Variants in WIPF3 observed in about 807,000 individuals in gnomAD.
WIPF3 encodes the protein WAS/WASL-interacting protein family member 3.
A neutral mutation model predicts 38.9 loss-of-function variants in WIPF3; 33 were observed. The ratio of observed to expected loss-of-function variants is 0.85; its 90% confidence interval spans 0.64 to 1.14. The LOEUF (loss-of-function observed/expected upper bound fraction) is 1.14, where lower values mean the gene tolerates loss of function less well. WIPF3 is among the 50% of genes most tolerant of loss of function. WIPF3 has a pLI of 0.00. For missense variants in WIPF3, 711 were observed against 652.5 expected (o/e 1.09, Z -0.98); for synonymous variants, 324 against 269.3 (o/e 1.20, Z -1.99).
intron 5 of WIPF3, among the ~76,000 whole-genome samples, chr7:29,887,174 G>C (rs111671768): frequency 0.015 from 2,237 of 152,276 alleles, 55 homozygotes; most frequent in African/African-American, 0.051. Flanking sequence ...TGCCCTTCTT[G>C]TTTGCATCTT....
At chr7:29,882,283 T>C (rs1429014608) in intron 4 of WIPF3, among the ~76,000 whole-genome samples, 1 of 152,266 alleles carries the variant, frequency 6.6e-6, no homozygotes, top group African/African-American at 2.4e-5. Context: ...TCCCTTTCAA[T>C]TTCATTCAGC....
intron 5 of WIPF3, among the ~76,000 whole-genome samples, chr7:29,885,336 C>T (rs1785853262): frequency 6.6e-6 from 1 of 152,226 alleles, no homozygotes; most frequent in Admixed American, 6.5e-5. Context: ...CACAGATACA[C>T]CCACATCCAC....
At chr7:29,906,007 A>C (rs1030958008) in intron 8 of WIPF3, 1 of 152,224 alleles carries the variant, frequency 6.6e-6, no homozygotes, top group African/African-American at 2.4e-5. Flanking sequence ...GAGACAGCCT[A>C]CAACAATCAA....
At chr7:29,868,405 G>A (rs1785429978) in intron 2 of WIPF3, among the ~76,000 whole-genome samples, 1 of 152,000 alleles carries the variant, frequency 6.6e-6, no homozygotes, top group African/African-American at 2.4e-5. Flanking sequence ...TTGAGAAGAG[G>A]AGTTAATTAG....
chr7:29,900,081 G>A lies in WIPF3; in HGVS notation c.1352-4205G>A, dbSNP rs568717713. The stretch of plus-strand genomic sequence containing the variant: ...GCCTCTTGAGTAGCTGGGACTACAG[G>A]TGTGTGCCACCACGCCCAGCTAATT... On this transcript the variant is annotated intron_variant, in intron 7 of 8. Coordinates refer to ENST00000242140, the MANE Select transcript of WIPF3 (RefSeq NM_001080529.3). 2.6e-3 allele frequency among the ~76,000 whole-genome samples: 392 copies of A among 152,178 alleles called. 7 individuals are homozygous for A. Among genetic ancestry groups the A allele is most frequent in the African/African-American group, 9.1e-3 (376 of 41,522 alleles).
At chr7:29,895,705 A>G (rs1786128423) in intron 7 of WIPF3, among the ~76,000 whole-genome samples, 1 of 152,174 alleles carries the variant, frequency 6.6e-6, no homozygotes, top group Non-Finnish European at 1.5e-5. Context: ...AATGAGGAGC[A>G]CTTGTGTCAC....
chr7:29,906,045 A>G (rs907541697), intron 8 of WIPF3: 4 of 152,214 alleles, frequency 2.6e-5, no homozygotes, highest in African/African-American at 9.6e-5. Context: ...AAACAATAAG[A>G]AAAACCAGCA....
chr7:29,879,552 T>TA (rs1319673797), intron 4 of WIPF3, among the ~76,000 whole-genome samples: 1 of 152,258 alleles, frequency 6.6e-6, no homozygotes, highest in African/African-American at 2.4e-5. Context: ...TACTGCTGTG[T>TA]AACGAAACAC....
chr7:29,916,095 G>A lies in WIPF3; in HGVS notation c.*1579G>A, dbSNP rs1786609596. Reference sequence around the variant, plus strand: ...TTCCAGATGGAAGCAAGTGAGCCAGGGTCAAATTCCCTTCTCCAGGGGAAT... The same window carrying A: ...TTCCAGATGGAAGCAAGTGAGCCAGAGTCAAATTCCCTTCTCCAGGGGAAT... On this transcript the variant is annotated 3_prime_UTR_variant, in exon 9 of 9. Transcript: ENST00000242140. 3 of 152,136 alleles carry A rather than the reference G, an allele frequency of 2.0e-5. No individual in the cohort carries two copies. The highest frequency in any genetic ancestry group is 2.1e-4 in the South Asian group (1 of 4,826). 9.4% of individuals were successfully genotyped at this position (152,136 alleles called of 1,614,324 possible).
rs57116279 is a variant in WIPF3 at position 29,867,567 on chromosome 7, C to CT, written c.91-8243dup. Among the ~76,000 whole-genome samples, 118 of 76,046 alleles carry CT rather than the reference C, an allele frequency of 1.6e-3. 2 individuals carry two copies. The highest frequency in any genetic ancestry group is 7.6e-3 in the Middle Eastern group (1 of 132). The allele number at this position is 76,046 out of a possible 152,430, so 49.9% of individuals were successfully genotyped here. ...TGCCCCCGCCCCCTCCACACCCCAG[C>CT]TTTTTTTTTTTTTTTTTTTTGAGTT... On this transcript the variant is annotated intron_variant, in intron 2 of 8. Coordinates refer to ENST00000242140, the MANE Select transcript of WIPF3 (RefSeq NM_001080529.3).
At chr7:29,846,762 C>T (rs1164946287) in intron 2 of WIPF3, among the ~76,000 whole-genome samples, 2 of 152,174 alleles carry the variant, frequency 1.3e-5, no homozygotes, top group Admixed American at 1.3e-4. Flanking sequence ...CGTTTGTGTC[C>T]CACAGTTGTC....
chr7:29,818,694 CTTTCT>C (rs1188736330), intron 1 of WIPF3, among the ~76,000 whole-genome samples: 1 of 151,626 alleles, frequency 6.6e-6, no homozygotes, highest in African/African-American at 2.4e-5. Flanking sequence ...CAATTTAGTT[CTTTCT>C]TTTATCTAAT....
intron 2 of WIPF3, among the ~76,000 whole-genome samples, chr7:29,836,709 C>A (rs192863515): frequency 6.6e-6 from 1 of 152,184 alleles, no homozygotes; most frequent in Non-Finnish European, 1.5e-5. Context: ...TTACATCTGG[C>A]GGGGCACAGT....
chr7:29,902,535 T>C (rs1786309253), intron 7 of WIPF3, among the ~76,000 whole-genome samples: 1 of 152,084 alleles, frequency 6.6e-6, no homozygotes, highest in Admixed American at 6.5e-5. Flanking sequence ...GTTGAAAAAA[T>C]ATTTCTGAAG....
chr7:29,893,755 T>C (rs1046982628), intron 7 of WIPF3, among the ~76,000 whole-genome samples: 1 of 152,228 alleles, frequency 6.6e-6, no homozygotes, highest in African/African-American at 2.4e-5. Flanking sequence ...AGCTACTGGC[T>C]CATTCAGGCT....
At chr7:29,911,541 C>G (rs548797629) in intron 8 of WIPF3, among the ~76,000 whole-genome samples, 3 of 152,028 alleles carry the variant, frequency 2.0e-5, no homozygotes, top group Non-Finnish European at 2.9e-5. Flanking sequence ...ATAATCAAAA[C>G]AGTGTGGTAC....
intron 3 of WIPF3, among the ~76,000 whole-genome samples, chr7:29,876,559 C>T (rs186268325): frequency 8.5e-5 from 13 of 152,336 alleles, no homozygotes; most frequent in Non-Finnish European, 1.3e-4. Context: ...TGTATCAGTA[C>T]TTCACTCCTT....
At chr7:29,809,378 C>T (rs1784335847) in intron 1 of WIPF3, among the ~76,000 whole-genome samples, 1 of 152,216 alleles carries the variant, frequency 6.6e-6, no homozygotes, top group Non-Finnish European at 1.5e-5. Flanking sequence ...TTCTGCATCA[C>T]AAAGTTATCT....
At chr7:29,894,094 C>T (rs1201267088) in intron 7 of WIPF3, among the ~76,000 whole-genome samples, 1 of 152,176 alleles carries the variant, frequency 6.6e-6, no homozygotes, top group Non-Finnish European at 1.5e-5. Flanking sequence ...TCATGTTTTG[C>T]TGATCTGCCC....
Sources: allele counts gnomAD v4.1 joint callset (sites outside exome capture counted in the v4.1 genomes callset), GRCh38; gene constraint gnomAD v4.1.1; transcripts MANE v1.5; gene names NCBI Gene and HGNC (gene_info 2026-07-23, HGNC 2026-07-21).